Variants in KLHL5 observed in about 807,000 individuals in gnomAD.
The protein encoded by KLHL5 is kelch like family member 5.
Under a neutral mutation model 77.7 loss-of-function variants are expected in KLHL5, and 48 were observed. The ratio of observed to expected loss-of-function variants is 0.62; its 90% CI spans 0.49 to 0.79. KLHL5 has a LOEUF of 0.79. Among genes scored for constraint, KLHL5 ranks in the 30% least tolerant of loss-of-function variants. KLHL5 has a pLI of 0.00. For synonymous variants in KLHL5, 260 were observed against 297.0 expected (o/e 0.88, Z 1.28); for missense variants, 723 against 859.7 (o/e 0.84, Z 1.99).
chr4:39,137,704 C>T, the KLHL5 span, among the ~76,000 whole-genome samples: 16 of 152,166 alleles, frequency 1.1e-4, no homozygotes, highest in East Asian at 1.9e-4. Context: ...CAAGGTGAAC[C>T]GGGAACATCT....
At chr4:39,076,256 T>A in intron 2 of KLHL5, 109 bp downstream of exon 2, 1 of 899,314 alleles carries the variant, frequency 1.1e-6, no homozygotes, top group Non-Finnish European at 1.7e-6. Flanking sequence ...GGAAGGGGTG[T>A]AGTTCATGGA....
chr4:39,119,719 A>C (rs1326871675), intron 10 of KLHL5, among the ~76,000 whole-genome samples: 1 of 152,228 alleles, frequency 6.6e-6, no homozygotes, highest in Non-Finnish European at 1.5e-5. Context: ...CCTTACCTCA[A>C]AGCAAGAGGT....
intron 4 of KLHL5, among the ~76,000 whole-genome samples, chr4:39,083,580 T>C (rs1719806025): frequency 6.6e-6 from 1 of 152,246 alleles, no homozygotes; most frequent in African/African-American, 2.4e-5. Flanking sequence ...ATTAAGTCCA[T>C]TGAAATGTTT....
chr4:39,082,295 A>G, intron 4 of KLHL5, 136 bp downstream of exon 4: 2 of 691,138 alleles, frequency 2.9e-6, no homozygotes, highest in Non-Finnish European at 4.8e-6. Context: ...CTAGTGTGTC[A>G]TATTTTCATT....
rs192780882 is a variant in KLHL5 at position 39,093,417 on chromosome 4, G to T, written c.1114-3275G>T. ...GAAAATGTTTCAAAACTGTTTTATG[G>T]TAATGGTTCCACAACTTGGTAATTT... is the stretch of plus-strand genomic sequence containing the variant. On this transcript the variant is annotated intron_variant, in intron 5 of 10. Coordinates refer to ENST00000504108, the MANE Select transcript of KLHL5 (RefSeq NM_015990.5). 28 of 455,922 alleles carry T rather than the reference G, an allele frequency of 6.1e-5. No homozygotes were observed. The East Asian group carries it at 1.9e-3, about 32-fold the overall frequency. The allele number at this position is 455,922 out of a possible 1,614,324, so 28.2% of individuals were successfully genotyped here.
the KLHL5 span, chr4:39,135,425 T>C: frequency 6.6e-6 from 1 of 152,302 alleles, no homozygotes; most frequent in East Asian, 1.9e-4. Context: ...GCCCAGCTAA[T>C]CAGTAGTGGG....
chr4:39,115,123 A>C, intron 9 of KLHL5, 36 bp from the exon 10 acceptor site: 5 of 1,576,156 alleles, frequency 3.2e-6, no homozygotes, highest in Non-Finnish European at 4.3e-6. Flanking sequence ...ATATTTTAAG[A>C]ATAATGTCAG....
chr4:39,070,890 A>C (rs547839750), intron 1 of KLHL5, among the ~76,000 whole-genome samples: 1 of 150,574 alleles, frequency 6.6e-6, no homozygotes, highest in East Asian at 2.0e-4. Flanking sequence ...AGACATTTCA[A>C]TTCTCACCTA....
At chr4:39,050,449 A>G (rs1328258300) in intron 1 of KLHL5, among the ~76,000 whole-genome samples, 1 of 152,154 alleles carries the variant, frequency 6.6e-6, no homozygotes, top group Non-Finnish European at 1.5e-5. Flanking sequence ...TCTCTCTCCA[A>G]GTCTATATGA....
chr4:39,083,877 T>A (rs1719828689), intron 4 of KLHL5, among the ~76,000 whole-genome samples: 1 of 152,214 alleles, frequency 6.6e-6, no homozygotes, highest in South Asian at 2.1e-4. Flanking sequence ...AAAGCTATTT[T>A]CATAGCCAAT....
intron 7 of KLHL5, among the ~76,000 whole-genome samples, chr4:39,107,247 CA>C (rs1722110151): frequency 6.6e-6 from 1 of 151,922 alleles, no homozygotes; most frequent in Non-Finnish European, 1.5e-5. Flanking sequence ...GAGGTTTTGC[CA>C]TATTGGCCAG....
chr4:39,139,320 T>C, the KLHL5 span, among the ~76,000 whole-genome samples: 2 of 150,222 alleles, frequency 1.3e-5, no homozygotes, highest in Non-Finnish European at 3.0e-5. Context: ...TCATCAATAC[T>C]GGGACAAATG....
chr4:39,098,816 G>A (rs766249696), intron 6 of KLHL5, among the ~76,000 whole-genome samples: 100 of 151,706 alleles, frequency 6.6e-4, no homozygotes, highest in Non-Finnish European at 1.1e-3. Flanking sequence ...TGCCCTCCTC[G>A]GCCTTCCAAA....
At chr4:39,126,594 T>C (rs936827012), downstream of KLHL5, 1 of 377,444 alleles carries the variant, frequency 2.6e-6, no homozygotes, top group Admixed American at 3.4e-5. Flanking sequence ...CCAGGGAAGC[T>C]CGGGAAGCAA....
chr4:39,134,205 T>C, the KLHL5 span, among the ~76,000 whole-genome samples: 18 of 152,192 alleles, frequency 1.2e-4, no homozygotes, highest in Non-Finnish European at 2.4e-4. Flanking sequence ...TGAAAACAAT[T>C]AGGGACTATC....
At chr4:39,117,214 C>G (rs1423725496) in intron 10 of KLHL5, among the ~76,000 whole-genome samples, 2 of 152,014 alleles carry the variant, frequency 1.3e-5, no homozygotes, top group Non-Finnish European at 2.9e-5. Context: ...GGCGGAAGAT[C>G]GCTTGAGCCC....
chr4:39,049,100 G>C (rs554609736), intron 1 of KLHL5, among the ~76,000 whole-genome samples: 3 of 152,106 alleles, frequency 2.0e-5, no homozygotes. Context: ...GTCTGTGAAC[G>C]GTCTTAATGA....
chr4:39,108,695 A>G (rs1722222395), intron 8 of KLHL5, among the ~76,000 whole-genome samples: 1 of 152,154 alleles, frequency 6.6e-6, no homozygotes, highest in Non-Finnish European at 1.5e-5. Context: ...GTTCATCACT[A>G]GGTATCTTTC....
intron 2 of KLHL5, among the ~76,000 whole-genome samples, chr4:39,079,742 T>C (rs1404034928): frequency 5.9e-5 from 9 of 152,202 alleles, no homozygotes; most frequent in African/African-American, 2.2e-4. Flanking sequence ...AGAAGGGATC[T>C]TTTGTCTTAT....
Sources: allele counts gnomAD v4.1 joint callset (sites outside exome capture counted in the v4.1 genomes callset), GRCh38; gene constraint gnomAD v4.1.1; transcripts MANE v1.5; gene names NCBI Gene and HGNC (gene_info 2026-07-23, HGNC 2026-07-21).